The following CACNA2D1 variants were observed in gnomAD, a reference collection of about 807,000 sequenced individuals.
CACNA2D1 encodes voltage-dependent calcium channel subunit alpha-2/delta-1.
Under a neutral mutation model 171.5 loss-of-function variants are expected in CACNA2D1, and 53 were observed. That is an observed-to-expected ratio of 0.31 (90% CI 0.25 to 0.39). The LOEUF is 0.39. Ranked by LOEUF, CACNA2D1 falls within the 10% of genes least tolerant of loss-of-function variation. The pLI, the probability that CACNA2D1 is intolerant of heterozygous loss-of-function variation, is 1.00. For missense variants in CACNA2D1, 903 were observed against 1,299.8 expected, an observed-to-expected ratio of 0.69 and a Z score of 4.69; for synonymous variants, 442 against 443.1, an observed-to-expected ratio of 1.00 and a Z score of 0.03.
intron 5 of CACNA2D1, among the ~76,000 whole-genome samples, chr7:82,130,203 T>TA (rs1262901203): frequency 6.6e-6 from 1 of 151,878 alleles, no homozygotes; most frequent in African/African-American, 2.4e-5. Flanking sequence ...TCAGCTGCTA[T>TA]AAGTGCATAA....
At position 82,123,934 on chromosome 7, in the gene CACNA2D1, A is replaced by C. The variant is rs573372055; in HGVS notation, c.397-6761T>G. Among the ~76,000 whole-genome samples, 9 of 149,018 alleles carry C rather than the reference A, an allele frequency of 6.0e-5. No individual in the cohort carries two copies. The South Asian group carries it at 1.7e-3, about 27-fold the overall frequency. On this transcript the variant is annotated intron_variant, in intron 5 of 38. Coordinates refer to ENST00000356860, the MANE Select transcript of CACNA2D1 (RefSeq NM_000722.4). ...GCATATGTATATAAGCATATATCATACAATCAGTATATATATGTATATATA... is the reference window on the plus strand; with the variant it reads ...GCATATGTATATAAGCATATATCATCCAATCAGTATATATATGTATATATA...
intron 19 of CACNA2D1, among the ~76,000 whole-genome samples, chr7:81,996,229 G>A (rs899395509): frequency 5.3e-5 from 8 of 151,804 alleles, no homozygotes; most frequent in Non-Finnish European, 1.2e-4. Context: ...GTCACTCACT[G>A]GAGTAAGAGT....
intron 38 of CACNA2D1, among the ~76,000 whole-genome samples, chr7:81,957,957 G>A (rs1562774679): frequency 2.0e-5 from 3 of 152,042 alleles, no homozygotes; most frequent in Non-Finnish European, 4.4e-5. Flanking sequence ...AATAGTTGAT[G>A]AGCGAAGTTT....
Position 81,997,173 on chromosome 7 carries a change from A to T in CACNA2D1, c.1662+6T>A. 6.5e-7 allele frequency: 1 copy of T among 1,542,230 alleles called. No individual in the cohort carries two copies. The highest frequency in any genetic ancestry group is 9.0e-7 in the Non-Finnish European group (1 of 1,114,638). On this transcript the variant is annotated splice_donor_region_variant and intron_variant, in intron 19 of 38. Transcript: ENST00000356860. ...GGAATTGTTTAGTCTTACTGATTCCACTCACCTCCACTTTAATATCATTCT... is the reference window on the plus strand; with the variant it reads ...GGAATTGTTTAGTCTTACTGATTCCTCTCACCTCCACTTTAATATCATTCT...
intron 10 of CACNA2D1, among the ~76,000 whole-genome samples, chr7:82,040,985 C>T (rs1053421490): frequency 6.8e-6 from 1 of 146,836 alleles, no homozygotes; most frequent in Non-Finnish European, 1.5e-5. Flanking sequence ...CAGAAAAACA[C>T]AACAAAACAA....
chr7:82,192,642 CT>C lies in CACNA2D1; in HGVS notation c.295-22034del. Among the ~76,000 whole-genome samples the C allele has an allele frequency of 2.0e-5, 3 of 151,650 alleles. No individual in the cohort carries two copies. The East Asian group carries it at 5.8e-4, about 29-fold the overall frequency. On this transcript the variant is annotated intron_variant, in intron 3 of 38. Coordinates refer to ENST00000356860, the MANE Select transcript of CACNA2D1 (RefSeq NM_000722.4). ...AAGATGTGTAAGTATTAAATGAACTCTCTTTGACTGAGCCAACTGCCTGGCA... is the reference window on the plus strand; with the variant it reads ...AAGATGTGTAAGTATTAAATGAACTCCTTTGACTGAGCCAACTGCCTGGCA...
At chr7:82,389,202 T>C (rs923373662) in intron 1 of CACNA2D1, among the ~76,000 whole-genome samples, 3 of 149,404 alleles carry the variant, frequency 2.0e-5, no homozygotes, top group Non-Finnish European at 3.0e-5. Flanking sequence ...TGTAAAGGTA[T>C]ATGTATGTAA....
intron 10 of CACNA2D1, among the ~76,000 whole-genome samples, chr7:82,039,164 G>A (rs1360092173): frequency 6.6e-6 from 1 of 152,102 alleles, no homozygotes; most frequent in South Asian, 2.1e-4. Flanking sequence ...GGACTGGCCA[G>A]ATAAAATGTT....
intron 3 of CACNA2D1, among the ~76,000 whole-genome samples, chr7:82,270,997 T>A (rs975994421): frequency 5.3e-5 from 8 of 152,232 alleles, no homozygotes; most frequent in Non-Finnish European, 7.4e-5. Flanking sequence ...GACAAATGAG[T>A]GTCATAATTC....
intron 1 of CACNA2D1, among the ~76,000 whole-genome samples, chr7:82,405,801 T>C (rs967494578): frequency 1.3e-5 from 2 of 152,206 alleles, no homozygotes; most frequent in African/African-American, 4.8e-5. Context: ...ATGCCTGTGC[T>C]ACATACAAAA....
At chr7:82,002,035 AAAAAAAAAGAG>A (rs1798663676) in intron 18 of CACNA2D1, among the ~76,000 whole-genome samples, 1 of 150,412 alleles carries the variant, frequency 6.6e-6, no homozygotes, top group African/African-American at 2.4e-5. Flanking sequence ...AAAAAAAAAA[AAAAAAAAAGAG>A]AGAGAGAGAG....
intron 3 of CACNA2D1, among the ~76,000 whole-genome samples, chr7:82,288,048 G>C (rs1811050791): frequency 6.7e-6 from 1 of 148,816 alleles, no homozygotes; most frequent in Non-Finnish European, 1.5e-5. Context: ...CACTGTGTTA[G>C]CCGGGATGGA....
chr7:82,323,791 T>C (rs1387287753), intron 3 of CACNA2D1, among the ~76,000 whole-genome samples: 1 of 152,194 alleles, frequency 6.6e-6, no homozygotes, highest in Non-Finnish European at 1.5e-5. Flanking sequence ...TAGTGCTTTC[T>C]GATCCTAAAG....
chr7:82,163,407 C>G (rs1052678075), intron 4 of CACNA2D1, among the ~76,000 whole-genome samples: 1 of 151,970 alleles, frequency 6.6e-6, no homozygotes, highest in Non-Finnish European at 1.5e-5. Context: ...TCAGGAATGT[C>G]TTTTCATGCA....
chr7:82,038,258 T>G, intron 10 of CACNA2D1, 23 bp from the exon 11 acceptor site: 1 of 1,594,590 alleles, frequency 6.3e-7, no homozygotes, highest in Non-Finnish European at 8.6e-7. Flanking sequence ...AAAAAGTAAA[T>G]ATATAAATGA....
chr7:82,286,609 C>T (rs981678773), intron 3 of CACNA2D1, among the ~76,000 whole-genome samples: 1 of 152,174 alleles, frequency 6.6e-6, no homozygotes, highest in Admixed American at 6.5e-5. Context: ...AGTTTCCCTA[C>T]TTTCATATTC....
At chr7:82,305,028 A>T (rs953045316) in intron 3 of CACNA2D1, among the ~76,000 whole-genome samples, 1 of 152,154 alleles carries the variant, frequency 6.6e-6, no homozygotes, top group Non-Finnish European at 1.5e-5. Flanking sequence ...GTTAATGTTA[A>T]TTTTTTAAAA....
intron 6 of CACNA2D1, among the ~76,000 whole-genome samples, chr7:82,092,475 C>T (rs1811291319): frequency 6.6e-6 from 1 of 151,422 alleles, no homozygotes; most frequent in Non-Finnish European, 1.5e-5. Context: ...CGGGTTCATG[C>T]CATTCTCCTG....
intron 6 of CACNA2D1, among the ~76,000 whole-genome samples, chr7:82,100,663 G>C (rs1674145861): frequency 6.6e-6 from 1 of 152,142 alleles, no homozygotes; most frequent in African/African-American, 2.4e-5. Flanking sequence ...TTCTATGCAT[G>C]AAAGATATAC....
Sources: allele counts gnomAD v4.1 joint callset (sites outside exome capture counted in the v4.1 genomes callset), GRCh38; gene constraint gnomAD v4.1.1; transcripts MANE v1.5; gene names NCBI Gene and HGNC (gene_info 2026-07-23, HGNC 2026-07-21).